The following BCAS3 variants were observed in gnomAD, a reference collection of about 807,000 sequenced individuals.
The protein encoded by BCAS3 is BCAS3 microtubule associated cell migration factor.
BCAS3 carries 53 observed loss-of-function variants against 116.1 expected under a neutral mutation model. The observed-to-expected ratio is 0.46, with a 90% confidence interval of 0.37 to 0.57. The LOEUF (loss-of-function observed/expected upper bound fraction) is 0.57, where lower values mean the gene tolerates loss of function less well. Among genes scored for constraint, BCAS3 ranks in the 20% least tolerant of loss-of-function variants. BCAS3 has a pLI of 0.00. For synonymous variants in BCAS3, 391 were observed against 408.2 expected, an observed-to-expected ratio of 0.96 and a Z score of 0.51; for missense variants, 917 against 1,165.4, an observed-to-expected ratio of 0.79 and a Z score of 3.10.
chr17:60,923,670 T>C (rs1169987167), intron 12 of BCAS3, among the ~76,000 whole-genome samples: 1 of 152,182 alleles, frequency 6.6e-6, no homozygotes, highest in African/African-American at 2.4e-5. Context: ...TCTGAAACAT[T>C]AGATAAGTAA....
chr17:60,998,675 G>A (rs546773178), intron 15 of BCAS3, among the ~76,000 whole-genome samples: 1 of 151,986 alleles, frequency 6.6e-6, no homozygotes, highest in Non-Finnish European at 1.5e-5. Flanking sequence ...CTTTTAATGG[G>A]GTCATTTGTT....
At chr17:61,389,142 G>A (rs567807618) in intron 23 of BCAS3, 13 of 174,416 alleles carry the variant, frequency 7.5e-5, no homozygotes, top group South Asian at 4.3e-4. Context: ...TCAGCACAGC[G>A]CAGGGTAGGG....
chr17:60,825,129 G>C (rs2050269113), intron 7 of BCAS3, among the ~76,000 whole-genome samples: 1 of 150,436 alleles, frequency 6.6e-6, no homozygotes, highest in Non-Finnish European at 1.5e-5. Flanking sequence ...TCACGCCACT[G>C]CACTGCAGCC....
intron 10 of BCAS3, 69 bp downstream of exon 10, chr17:60,889,840 C>T: frequency 7.3e-7 from 1 of 1,373,794 alleles, no homozygotes; most frequent in Non-Finnish European, 1.0e-6. Flanking sequence ...ATAAAAAATA[C>T]CTGTGCTCCA....
At chr17:61,299,549 C>T (rs954360022) in intron 22 of BCAS3, among the ~76,000 whole-genome samples, 4 of 151,494 alleles carry the variant, frequency 2.6e-5, no homozygotes, top group African/African-American at 9.7e-5. Context: ...CATTTCATAG[C>T]ATTCTTTAGA....
chr17:60,905,604 G>T (rs556369667), intron 11 of BCAS3, among the ~76,000 whole-genome samples: 1 of 152,216 alleles, frequency 6.6e-6, no homozygotes, highest in African/African-American at 2.4e-5. Context: ...CATTTATTAT[G>T]ACTTGAGTCC....
At chr17:61,071,748 A>T (rs2071450027) in intron 19 of BCAS3, among the ~76,000 whole-genome samples, 1 of 152,222 alleles carries the variant, frequency 6.6e-6, no homozygotes, top group African/African-American at 2.4e-5. Flanking sequence ...TATTATGAAC[A>T]GTAATATATC....
intron 23 of BCAS3, among the ~76,000 whole-genome samples, chr17:61,371,100 A>G (rs997210380): frequency 2.6e-5 from 4 of 152,232 alleles, no homozygotes; most frequent in African/African-American, 4.8e-5. Context: ...TGACACAGCA[A>G]TTGGGACCCA....
At chr17:60,942,054 A>G (rs1428248922) in intron 13 of BCAS3, among the ~76,000 whole-genome samples, 2 of 136,236 alleles carry the variant, frequency 1.5e-5, no homozygotes. Context: ...CAAACTTAGT[A>G]TAACTCAGCA....
At chr17:61,078,685 A>C (rs928816847) in intron 21 of BCAS3, among the ~76,000 whole-genome samples, 156 bp downstream of exon 21, 1 of 152,232 alleles carries the variant, frequency 6.6e-6, no homozygotes, top group South Asian at 2.1e-4. Context: ...ATTACTTGAG[A>C]TGGTATATAG....
intron 10 of BCAS3, among the ~76,000 whole-genome samples, chr17:60,897,201 A>G (rs1195532456): frequency 1.3e-5 from 2 of 152,170 alleles, no homozygotes; most frequent in African/African-American, 4.8e-5. Context: ...TGACTGACAT[A>G]CTTTTTTCTT....
rs1056438864 is a variant in BCAS3, at chr17:61,316,287, T to C, written c.2426-52040T>C. Among the ~76,000 whole-genome samples, 4 of 152,022 alleles carry C rather than the reference T, an allele frequency of 2.6e-5. No individual in the cohort carries two copies. The highest frequency in any genetic ancestry group is 9.7e-5 in the African/African-American group (4 of 41,410). On this transcript the variant is annotated intron_variant, in intron 22 of 23. Transcript: ENST00000407086. This position sits in a 1 kb window ranked among gnomAD's most constrained non-coding sequence, Gnocchi z 5.8. ...CGCCACTGCACTCCAGCCTGGGTGATAGAGTGAGACTCCATCTCAATAATA... is the reference window on the plus strand; with the variant it reads ...CGCCACTGCACTCCAGCCTGGGTGACAGAGTGAGACTCCATCTCAATAATA...
intron 22 of BCAS3, among the ~76,000 whole-genome samples, chr17:61,317,041 A>G (rs900773312): frequency 1.3e-5 from 2 of 152,220 alleles, no homozygotes; most frequent in Admixed American, 6.5e-5. Flanking sequence ...GGTGTAGCAT[A>G]TACAAAAATT....
intron 22 of BCAS3, among the ~76,000 whole-genome samples, chr17:61,290,936 A>G (rs544756285): frequency 6.6e-6 from 1 of 152,132 alleles, no homozygotes; most frequent in African/African-American, 2.4e-5. Flanking sequence ...GCCTGCCACC[A>G]CGCCCGGCTA....
In BCAS3 at chr17:61,276,634, AATCTCTATCAAAATG is replaced by A. The variant is rs1251304577; in HGVS notation, c.2426-91678_2426-91664del. Reference sequence around the variant, plus strand: ...CCAAATTGATCTACAGATTCAACACAATCTCTATCAAAATGATCTCTATCAAAATCTCTATCAAAT... The same window carrying A: ...CCAAATTGATCTACAGATTCAACACAATCTCTATCAAAATCTCTATCAAAT... On this transcript the variant is annotated intron_variant, in intron 22 of 23. Coordinates refer to ENST00000407086, the MANE Select transcript of BCAS3 (RefSeq NM_017679.5). The surrounding 1 kb of genome is among the most constrained non-coding windows in gnomAD (Gnocchi z 4.2). 6.6e-6 allele frequency among the ~76,000 whole-genome samples: 1 copy of A among 152,190 alleles called. No individual in the cohort carries two copies. The highest frequency in any genetic ancestry group is 1.9e-4 in the East Asian group (1 of 5,194).
rs1176195820 is a variant in BCAS3, at chr17:61,248,616, A to C, written c.2426-119711A>C. 6.6e-6 allele frequency among the ~76,000 whole-genome samples: 1 copy of C among 152,190 alleles called. No individual in the cohort carries two copies. Among genetic ancestry groups the C allele is most frequent in the Non-Finnish European group, 1.5e-5 (1 of 68,030 alleles). ...GCAGGGAGGAAGTAGCAGTGACCTCAGTCCTGAATGGTTATTTCAGAAGTG... is the reference window on the plus strand; with the variant it reads ...GCAGGGAGGAAGTAGCAGTGACCTCCGTCCTGAATGGTTATTTCAGAAGTG... On this transcript the variant is annotated intron_variant, in intron 22 of 23. Coordinates refer to ENST00000407086, the MANE Select transcript of BCAS3 (RefSeq NM_017679.5). This position sits in a 1 kb window ranked among gnomAD's most constrained non-coding sequence, Gnocchi z 4.3.
chr17:61,388,788 C>A lies in BCAS3; in HGVS notation c.2594-3189C>A. The A allele has an allele frequency of 7.9e-7, 1 of 1,260,338 alleles. No individual in the cohort carries two copies. The highest frequency in any genetic ancestry group is 1.1e-6 in the Non-Finnish European group (1 of 906,570). 78.1% of individuals were successfully genotyped at this position (1,260,338 alleles called of 1,614,324 possible). The stretch of plus-strand genomic sequence containing the variant: ...GACTTGGAGGGGGGAATCTGAGCAG[C>A]CCTCCTCCCCTCCACTTCCCACACA... On this transcript the variant is annotated intron_variant, in intron 23 of 23. Transcript: ENST00000407086. The surrounding 1 kb of genome is among the most constrained non-coding windows in gnomAD (Gnocchi z 6.5).
At chr17:61,024,642 C>A (rs747867267) in intron 16 of BCAS3, among the ~76,000 whole-genome samples, 6 of 140,502 alleles carry the variant, frequency 4.3e-5, no homozygotes, top group Non-Finnish European at 7.4e-5. Context: ...AGGAAAATCT[C>A]GAGGTTTTTT....
At chr17:60,929,719 C>CT (rs1008490924) in intron 13 of BCAS3, among the ~76,000 whole-genome samples, 1 of 103,690 alleles carries the variant, frequency 9.6e-6, no homozygotes, top group Non-Finnish European at 1.9e-5. Flanking sequence ...TCCCTCCCCC[C>CT]TCCCCCCACC....
Sources: gnomAD v4.1 joint callset for allele counts (sites outside exome capture counted in the v4.1 genomes callset) on GRCh38, gnomAD v4.1.1 for gene constraint, Gnocchi (gnomAD v3.1) non-coding constraint, MANE v1.5 for transcripts, NCBI Gene and HGNC (gene_info 2026-07-23, HGNC 2026-07-21) for gene names.